Variants in VPS54 observed in about 807,000 individuals in gnomAD.
VPS54 encodes vacuolar protein sorting-associated protein 54.
A neutral mutation model predicts 121.5 loss-of-function variants in VPS54; 45 were observed. The ratio of observed to expected loss-of-function variants is 0.37; its 90% CI spans 0.29 to 0.47. The LOEUF (loss-of-function observed/expected upper bound fraction) is 0.47. Ranked by LOEUF, VPS54 falls within the 20% of genes least tolerant of loss-of-function variation. The pLI is 0.99. For missense variants in VPS54, 1,090 were observed against 1,131.4 expected (o/e 0.96, Z 0.52); for synonymous variants, 371 against 385.8 (o/e 0.96, Z 0.45).
chr2:64,008,264 A>C (rs564329295), intron 1 of VPS54, among the ~76,000 whole-genome samples: 4 of 152,180 alleles, frequency 2.6e-5, no homozygotes, highest in African/African-American at 9.6e-5. Context: ...AATACGAAAA[A>C]TTAGCCGGGC....
rs182564105 is a variant in VPS54 at position 63,989,474 on chromosome 2, C to A, written c.-20-5455G>T. Among the ~76,000 whole-genome samples, 7 of 152,302 alleles carry A rather than the reference C, an allele frequency of 4.6e-5. No homozygotes were observed. In the East Asian group the frequency reaches 1.3e-3, roughly 29 times the overall value. Reference sequence around the variant, plus strand: ...TCTTTTGTACTCTTTCCCTTTATTTCTCAGACTGGCTGACACTTAGGGAAA... The same window carrying A: ...TCTTTTGTACTCTTTCCCTTTATTTATCAGACTGGCTGACACTTAGGGAAA... On this transcript the variant is annotated intron_variant, in intron 1 of 22. Transcript: ENST00000272322.
rs181437085 is a variant in VPS54, at chr2:63,996,320, C to T, written c.-20-12301G>A. On this transcript the variant is annotated intron_variant, in intron 1 of 22. Transcript: ENST00000272322. ...CATTTCATGGACATTTATCACTTCC[C>T]CAATCAATACTCTTATAATTTCCTA... Among the ~76,000 whole-genome samples the T allele has an allele frequency of 4.9e-3, 742 of 152,178 alleles. 10 individuals carry two copies. Among genetic ancestry groups the T allele is most frequent in the African/African-American group, 0.017 (689 of 41,502 alleles).
intron 22 of VPS54, among the ~76,000 whole-genome samples, chr2:63,896,349 G>A (rs1440816496): frequency 1.3e-5 from 2 of 152,160 alleles, no homozygotes; most frequent in African/African-American, 2.4e-5. Context: ...AGGGAGGTAT[G>A]GGGGTGGGAG....
intron 3 of VPS54, among the ~76,000 whole-genome samples, chr2:63,980,381 G>T (rs533565517): frequency 6.6e-6 from 1 of 152,012 alleles, no homozygotes; most frequent in Non-Finnish European, 1.5e-5. Context: ...TGGGTCATCA[G>T]ATCTCACAAT....
At chr2:63,970,063 C>T (rs921106947) in intron 4 of VPS54, among the ~76,000 whole-genome samples, 13 of 151,666 alleles carry the variant, frequency 8.6e-5, no homozygotes, top group African/African-American at 2.7e-4. Flanking sequence ...TCTTTCTGCA[C>T]TTAGACTCCA....
intron 20 of VPS54, among the ~76,000 whole-genome samples, chr2:63,907,305 G>C (rs915679069): frequency 1.3e-5 from 2 of 152,016 alleles, no homozygotes; most frequent in African/African-American, 4.8e-5. Context: ...GATCACCTGA[G>C]GTCGGGAGTT....
chr2:63,967,206 T>C (rs1055247643), intron 5 of VPS54, among the ~76,000 whole-genome samples: 1 of 152,168 alleles, frequency 6.6e-6, no homozygotes, highest in Non-Finnish European at 1.5e-5. Context: ...ATTTTACCTA[T>C]ATACAAAAAT....
At chr2:63,994,710 A>T (rs908724653) in intron 1 of VPS54, among the ~76,000 whole-genome samples, 2 of 152,208 alleles carry the variant, frequency 1.3e-5, no homozygotes, top group African/African-American at 4.8e-5. Flanking sequence ...AGGGGGAGTA[A>T]TGGGAGATAT....
At chr2:63,929,753 C>T (rs1156918818) in intron 12 of VPS54, among the ~76,000 whole-genome samples, 1 of 147,544 alleles carries the variant, frequency 6.8e-6, no homozygotes, top group East Asian at 2.0e-4. Context: ...TTGAAAAGAT[C>T]AACAAAATTG....
intron 1 of VPS54, among the ~76,000 whole-genome samples, chr2:63,985,295 G>C (rs1056981981): frequency 6.6e-6 from 1 of 152,026 alleles, no homozygotes; most frequent in Non-Finnish European, 1.5e-5. Flanking sequence ...CTCCAGCCTG[G>C]GCAACATGGT....
chr2:63,912,398 A>G lies in VPS54; in HGVS notation c.2572T>C (p.Ser858Pro), dbSNP rs1334494560. The change falls in exon 20 of 23, where the codon TCA becomes CCA. Residue 858 changes from serine to proline, a missense_variant. Physicochemically the swap from Ser to Pro is moderately conservative, Grantham distance 74. Coordinates refer to ENST00000272322, the MANE Select transcript of VPS54 (RefSeq NM_016516.3). ...TCCATTATCGCTACAAGCTTAGCTG[A>G]TATTTCAGCTATGTGATCATGGTAG... is the stretch of plus-strand genomic sequence containing the variant. ...KDYHDHIAEI[S>P]AKLVAIMDSL... is the part of the protein sequence containing the mutation. 1.2e-6 allele frequency: 2 copies of G among 1,612,308 alleles called. No individual in the cohort carries two copies. The highest frequency in any genetic ancestry group is 1.7e-6 in the Non-Finnish European group (2 of 1,178,970).
At chr2:64,002,270 C>T (rs555983182) in intron 1 of VPS54, among the ~76,000 whole-genome samples, 1 of 152,288 alleles carries the variant, frequency 6.6e-6, no homozygotes, top group Admixed American at 6.5e-5. Context: ...CTGTTCAGTG[C>T]TTCTTTGGGC....
intron 20 of VPS54, among the ~76,000 whole-genome samples, chr2:63,907,081 G>A (rs1435036514): frequency 6.6e-6 from 1 of 151,934 alleles, no homozygotes; most frequent in Non-Finnish European, 1.5e-5. Flanking sequence ...AAAAGGTGCT[G>A]GAACTATGAA....
intron 2 of VPS54, 134 bp downstream of exon 2, chr2:63,983,730 C>G: frequency 6.7e-6 from 8 of 1,197,464 alleles, no homozygotes; most frequent in Non-Finnish European, 9.0e-6. Flanking sequence ...GCGTGAGCCA[C>G]CGTGCCCGGC....
intron 21 of VPS54, 42 bp from the exon 22 acceptor site, chr2:63,897,632 A>G: frequency 8.5e-7 from 1 of 1,170,100 alleles, no homozygotes; most frequent in South Asian, 1.4e-5. Context: ...GTTCTACTGA[A>G]ATAGAAGATA....
At chr2:63,977,484 C>A (rs1676596046) in intron 3 of VPS54, among the ~76,000 whole-genome samples, 1 of 152,212 alleles carries the variant, frequency 6.6e-6, no homozygotes, top group African/African-American at 2.4e-5. Context: ...CTTCCCCTGC[C>A]ACTTCAAGTC....
At chr2:63,903,471 C>G (rs1347172903) in intron 20 of VPS54, among the ~76,000 whole-genome samples, 2 of 151,650 alleles carry the variant, frequency 1.3e-5, no homozygotes, top group Non-Finnish European at 2.9e-5. Flanking sequence ...AATTTATCCT[C>G]ATTTTTTCAT....
At chr2:63,928,466 T>C (rs927889602) in intron 12 of VPS54, among the ~76,000 whole-genome samples, 3 of 152,080 alleles carry the variant, frequency 2.0e-5, no homozygotes, top group Non-Finnish European at 4.4e-5. Flanking sequence ...GCTGAGAGAT[T>C]TTTGTCACCA....
At chr2:63,903,060 A>C (rs995342122) in intron 20 of VPS54, among the ~76,000 whole-genome samples, 1 of 152,202 alleles carries the variant, frequency 6.6e-6, no homozygotes, top group East Asian at 1.9e-4. Context: ...GATCTAATGA[A>C]ACCGAAATCT....
Sources: allele counts gnomAD v4.1 joint callset (sites outside exome capture counted in the v4.1 genomes callset), GRCh38; gene constraint gnomAD v4.1.1; transcripts MANE v1.5; gene names NCBI Gene and HGNC (gene_info 2026-07-23, HGNC 2026-07-21).